Variants in CAMK4 observed in about 807,000 individuals in gnomAD.
The protein encoded by CAMK4 is calcium/calmodulin-dependent protein kinase type IV.
A neutral mutation model predicts 44.9 loss-of-function variants in CAMK4; 22 were observed. The ratio of observed to expected loss-of-function variants is 0.49; its 90% CI spans 0.35 to 0.70. CAMK4 has a LOEUF of 0.70. Ranked by LOEUF, CAMK4 falls within the 30% of genes least tolerant of loss-of-function variation. CAMK4 has a pLI of 0.01. For missense variants in CAMK4, 498 were observed against 586.8 expected (o/e 0.85, Z 1.56); for synonymous variants, 218 against 215.4 (o/e 1.01, Z -0.11).
chr5:111,436,397 T>A (rs939119430), intron 5 of CAMK4, among the ~76,000 whole-genome samples: 1 of 152,220 alleles, frequency 6.6e-6, no homozygotes, highest in African/African-American at 2.4e-5. Flanking sequence ...TCTTGTCTAC[T>A]ACTCTAACCT....
At position 111,486,064 on chromosome 5, in the gene CAMK4, C is replaced by T. The variant is rs539107841; in HGVS notation, c.*1598C>T. On this transcript the variant is annotated 3_prime_UTR_variant, in exon 11 of 11. Transcript: ENST00000282356. ...GAGATCTTAAATTATGTTGGCTCTC[C>T]CTCAAAACTATTAAATTAGAAAACG... The T allele has an allele frequency of 1.3e-5, 2 of 152,190 alleles. No homozygotes were observed. Among genetic ancestry groups the T allele is most frequent in the Admixed American group, 1.3e-4 (2 of 15,288 alleles). 9.4% of individuals were successfully genotyped at this position (152,190 alleles called of 1,614,324 possible).
chr5:111,344,033 A>C lies in CAMK4; in HGVS notation c.171A>C (p.Thr57=). The change falls in exon 2 of 11, where the codon ACA becomes ACC. Residue 57 remains threonine, a synonymous_variant. Coordinates refer to ENST00000282356, the MANE Select transcript of CAMK4 (RefSeq NM_001744.6). The stretch of plus-strand genomic sequence containing the variant: ...CTTTTTCCCCCTCAAGGGGTGCTAC[A>C]TCCATTGTGTACAGATGCAAACAGA... ...EVESELGRGA[T]SIVYRCKQKG... is the part of the protein sequence containing the mutation. The C allele has an allele frequency of 6.3e-7, 1 of 1,599,010 alleles. No individual in the cohort carries two copies. Among genetic ancestry groups the C allele is most frequent in the Non-Finnish European group, 8.6e-7 (1 of 1,168,002 alleles).
Position 111,336,933 on chromosome 5 carries a change from T to G in CAMK4, c.162-7091T>G, listed in dbSNP as rs577107028. Among the ~76,000 whole-genome samples, 28 of 151,306 alleles carry G rather than the reference T, an allele frequency of 1.9e-4. 1 individual carries two copies. The highest frequency in any genetic ancestry group is 6.5e-4 in the African/African-American group (27 of 41,468). ...TTTTTAATATTTTTAAACAATATAG[T>G]TCTTTTGGAAATTTTTTTTTACTGT... On this transcript the variant is annotated intron_variant, in intron 1 of 10. Transcript: ENST00000282356.
chr5:111,313,502 A>G (rs1748297053), intron 1 of CAMK4, among the ~76,000 whole-genome samples: 1 of 152,132 alleles, frequency 6.6e-6, no homozygotes, highest in African/African-American at 2.4e-5. Context: ...AAGCAGGGTG[A>G]CTAAGAACAT....
intron 1 of CAMK4, among the ~76,000 whole-genome samples, chr5:111,295,375 A>G (rs1053924309): frequency 3.3e-5 from 5 of 152,178 alleles, no homozygotes; most frequent in Non-Finnish European, 7.4e-5. Flanking sequence ...AATCATAGTC[A>G]ATATTCTGCT....
chr5:111,225,742 C>A (rs886448186), intron 1 of CAMK4, among the ~76,000 whole-genome samples: 1 of 152,114 alleles, frequency 6.6e-6, no homozygotes, highest in African/African-American at 2.4e-5. Flanking sequence ...ATGATCACTG[C>A]CCACTCTCCC....
At chr5:111,281,824 C>A (rs1405763187) in intron 1 of CAMK4, among the ~76,000 whole-genome samples, 1 of 151,668 alleles carries the variant, frequency 6.6e-6, no homozygotes, top group Admixed American at 6.6e-5. Context: ...TTTGGGAGGC[C>A]GAGGCGGGCG....
chr5:111,448,380 T>C (rs192760664), intron 6 of CAMK4, among the ~76,000 whole-genome samples: 17 of 152,364 alleles, frequency 1.1e-4, no homozygotes, highest in African/African-American at 2.9e-4. Context: ...CTATTTTTTT[T>C]CTCCTCTCTG....
At chr5:111,270,351 C>T (rs1561375660) in intron 1 of CAMK4, among the ~76,000 whole-genome samples, 2 of 152,198 alleles carry the variant, frequency 1.3e-5, no homozygotes, top group African/African-American at 2.4e-5. Flanking sequence ...CTCCCTCTCA[C>T]ACATTCAACA....
intron 2 of CAMK4, among the ~76,000 whole-genome samples, chr5:111,354,991 A>G (rs1043515207): frequency 6.6e-6 from 1 of 152,118 alleles, no homozygotes; most frequent in African/African-American, 2.4e-5. Flanking sequence ...ATCTGGATGA[A>G]AGATATGCAT....
chr5:111,414,972 A>G (rs968816116), intron 5 of CAMK4, among the ~76,000 whole-genome samples: 3 of 152,210 alleles, frequency 2.0e-5, no homozygotes, highest in Non-Finnish European at 4.4e-5. Flanking sequence ...TTGGGATCCA[A>G]TAAAGTAATT....
chr5:111,439,010 G>A (rs2112955771), intron 5 of CAMK4, among the ~76,000 whole-genome samples: 1 of 152,268 alleles, frequency 6.6e-6, no homozygotes, highest in Non-Finnish European at 1.5e-5. Context: ...GCCTCTTAAA[G>A]GGTCATGCTC....
chr5:111,234,885 T>G (rs533090438), intron 1 of CAMK4, among the ~76,000 whole-genome samples: 2 of 152,378 alleles, frequency 1.3e-5, no homozygotes, highest in South Asian at 2.1e-4. Context: ...AAAAGTGCAC[T>G]TTCTTTGATA....
At chr5:111,463,475 C>G (rs1463299857) in intron 7 of CAMK4, among the ~76,000 whole-genome samples, 1 of 152,214 alleles carries the variant, frequency 6.6e-6, no homozygotes, top group Non-Finnish European at 1.5e-5. Flanking sequence ...CCTGATCCTC[C>G]CTGTACTACC....
intron 1 of CAMK4, among the ~76,000 whole-genome samples, chr5:111,285,758 T>C (rs1396195505): frequency 6.6e-6 from 1 of 152,224 alleles, no homozygotes; most frequent in Non-Finnish European, 1.5e-5. Flanking sequence ...TATGGTCCAA[T>C]GATAAAATTA....
At chr5:111,395,417 T>G (rs1203326435) in intron 5 of CAMK4, among the ~76,000 whole-genome samples, 3 of 151,680 alleles carry the variant, frequency 2.0e-5, no homozygotes, top group African/African-American at 7.2e-5. Flanking sequence ...CTTTAACTCT[T>G]TCTTTCCCAT....
intron 1 of CAMK4, among the ~76,000 whole-genome samples, chr5:111,277,150 G>T (rs994802357): frequency 6.6e-6 from 1 of 152,186 alleles, no homozygotes; most frequent in Admixed American, 6.5e-5. Context: ...GATAAATTTT[G>T]AGAAATTAGA....
intron 5 of CAMK4, among the ~76,000 whole-genome samples, chr5:111,414,253 A>G (rs189748152): frequency 2.6e-5 from 4 of 152,338 alleles, no homozygotes; most frequent in Admixed American, 2.6e-4. Flanking sequence ...ATCCTGAGAA[A>G]AAAATTTAGT....
rs896237108 is a variant in CAMK4 at position 111,489,365 on chromosome 5, T to G, written c.*4899T>G. 4.6e-5 allele frequency: 7 copies of G among 152,200 alleles called. No individual in the cohort carries two copies. The highest frequency in any genetic ancestry group is 7.3e-5 in the Non-Finnish European group (5 of 68,038). The allele number at this position is 152,200 out of a possible 1,614,324, so 9.4% of individuals were successfully genotyped here. On this transcript the variant is annotated 3_prime_UTR_variant, in exon 11 of 11. Transcript: ENST00000282356. Reference sequence around the variant, plus strand: ...ATATATTAAGAGCAAATTTTGTCATTATTACTCCTTGTGGCTATTACCTGA... The same window carrying G: ...ATATATTAAGAGCAAATTTTGTCATGATTACTCCTTGTGGCTATTACCTGA...
Sources: allele counts gnomAD v4.1 joint callset (sites outside exome capture counted in the v4.1 genomes callset), GRCh38; gene constraint gnomAD v4.1.1; transcripts MANE v1.5; gene names NCBI Gene and HGNC (gene_info 2026-07-23, HGNC 2026-07-21).